Variants in PTPRM observed in about 807,000 individuals in gnomAD.
The protein encoded by PTPRM is protein tyrosine phosphatase receptor type M, also known as receptor-type tyrosine-protein phosphatase mu.
PTPRM carries 47 observed loss-of-function variants against 186.7 expected under a neutral mutation model. That is an observed-to-expected ratio of 0.25 (90% confidence interval 0.20 to 0.32). The LOEUF is 0.32. Ranked by LOEUF, PTPRM falls within the 10% of genes least tolerant of loss-of-function variation. The pLI is 1.00. For missense variants in PTPRM, 1,494 were observed against 1,865.0 expected, an observed-to-expected ratio of 0.80 and a Z score of 3.66; for synonymous variants, 668 against 674.9, an observed-to-expected ratio of 0.99 and a Z score of 0.16.
intron 1 of PTPRM, among the ~76,000 whole-genome samples, chr18:7,614,629 C>A (rs2037757608): frequency 6.6e-6 from 1 of 152,174 alleles, no homozygotes; most frequent in Admixed American, 6.5e-5. Context: ...CATCCCCAAC[C>A]AAAACATCCA....
intron 5 of PTPRM, among the ~76,000 whole-genome samples, chr18:7,942,128 C>T (rs1055783255): frequency 6.6e-6 from 1 of 151,874 alleles, no homozygotes; most frequent in Non-Finnish European, 1.5e-5. Context: ...ACTCTAAATA[C>T]AAAAATTAGC....
intron 1 of PTPRM, among the ~76,000 whole-genome samples, chr18:7,666,017 A>G (rs1174781700): frequency 6.6e-6 from 1 of 152,180 alleles, no homozygotes; most frequent in African/African-American, 2.4e-5. Flanking sequence ...ACTGATGGCA[A>G]ATGATGGGAT....
At chr18:8,014,998 G>A (rs557451783) in intron 7 of PTPRM, among the ~76,000 whole-genome samples, 9 of 152,158 alleles carry the variant, frequency 5.9e-5, no homozygotes, top group Middle Eastern at 3.4e-3. Flanking sequence ...GTTTGGCTGC[G>A]CCAGTAGAAC....
intron 1 of PTPRM, among the ~76,000 whole-genome samples, chr18:7,598,603 T>C (rs902250500): frequency 3.3e-5 from 5 of 152,230 alleles, no homozygotes; most frequent in African/African-American, 1.2e-4. Context: ...TTTCTAACCA[T>C]AGTTCAGCTT....
intron 2 of PTPRM, among the ~76,000 whole-genome samples, chr18:7,791,995 G>A (rs995500754): frequency 8.6e-5 from 13 of 151,998 alleles, no homozygotes; most frequent in Non-Finnish European, 7.4e-5. Context: ...TAATTTCCCA[G>A]ATAGAGCAAA....
intron 7 of PTPRM, among the ~76,000 whole-genome samples, chr18:8,036,488 C>G (rs2086338088): frequency 6.6e-6 from 1 of 152,140 alleles, no homozygotes; most frequent in African/African-American, 2.4e-5. Context: ...ATATAAGTTC[C>G]TCAAGGGAGG....
intron 4 of PTPRM, among the ~76,000 whole-genome samples, chr18:7,916,131 A>AT: frequency 6.6e-6 from 1 of 152,286 alleles, no homozygotes; most frequent in African/African-American, 2.4e-5. Context: ...GTGATGAGAA[A>AT]TTACCTATGG....
intron 2 of PTPRM, among the ~76,000 whole-genome samples, chr18:7,876,166 G>A (rs976718026): frequency 2.0e-5 from 3 of 151,794 alleles, no homozygotes; most frequent in Non-Finnish European, 2.9e-5. Flanking sequence ...AATTCAAAAC[G>A]TCTGTATTGA....
At chr18:8,197,872 C>T (rs1251747659) in intron 14 of PTPRM, among the ~76,000 whole-genome samples, 1 of 152,136 alleles carries the variant, frequency 6.6e-6, no homozygotes, top group African/African-American at 2.4e-5. Flanking sequence ...ATTTGACTGC[C>T]GACACACTCT....
chr18:8,323,940 C>T (rs1216158950), intron 22 of PTPRM, among the ~76,000 whole-genome samples: 2 of 152,100 alleles, frequency 1.3e-5, no homozygotes, highest in African/African-American at 2.4e-5. Flanking sequence ...ACTACCCCCA[C>T]CCCCCAATTT....
intron 22 of PTPRM, among the ~76,000 whole-genome samples, chr18:8,335,459 T>G (rs2095433880): frequency 6.6e-6 from 1 of 152,244 alleles, no homozygotes; most frequent in Non-Finnish European, 1.5e-5. Context: ...ATTATGCACC[T>G]GCTCTAAACA....
chr18:8,270,236 C>G (rs1479139276), intron 19 of PTPRM: 1 of 145,504 alleles, frequency 6.9e-6, no homozygotes, highest in South Asian at 2.1e-4. Context: ...AACTCAATAG[C>G]AAAAAAAAAA....
chr18:8,013,141 G>A (rs184239739), intron 7 of PTPRM, among the ~76,000 whole-genome samples: 2 of 152,032 alleles, frequency 1.3e-5, no homozygotes, highest in Non-Finnish European at 2.9e-5. Context: ...AGTTTCACCA[G>A]CATAAAAACC....
chr18:7,664,678 A>G (rs1374947944), intron 1 of PTPRM, among the ~76,000 whole-genome samples: 1 of 152,138 alleles, frequency 6.6e-6, no homozygotes, highest in East Asian at 1.9e-4. Context: ...GCAGAGCTGC[A>G]TTGCATTTTT....
intron 1 of PTPRM, among the ~76,000 whole-genome samples, chr18:7,653,068 A>G (rs1200967388): frequency 6.6e-6 from 1 of 151,760 alleles, no homozygotes; most frequent in Non-Finnish European, 1.5e-5. Context: ...TGTCTGAACA[A>G]TACATGTCAT....
chr18:7,841,281 C>CTTTTTTTT (rs34688860), intron 2 of PTPRM, among the ~76,000 whole-genome samples: 5 of 70,222 alleles, frequency 7.1e-5, no homozygotes, highest in African/African-American at 1.9e-4. Context: ...CAAATCATTT[C>CTTTTTTTT]TTTTTTTTTT....
At chr18:8,386,504 AT>A (rs1388132262) in intron 30 of PTPRM, among the ~76,000 whole-genome samples, 2 of 152,212 alleles carry the variant, frequency 1.3e-5, no homozygotes, top group African/African-American at 4.8e-5. Flanking sequence ...AGTCCAAGTG[AT>A]TTAGCCGTGG....
intron 1 of PTPRM, among the ~76,000 whole-genome samples, chr18:7,720,901 A>G (rs976657501): frequency 1.3e-5 from 2 of 151,948 alleles, no homozygotes; most frequent in African/African-American, 4.8e-5. Flanking sequence ...GGTTGCTTCT[A>G]CTTTTTGGCT....
chr18:7,904,011 G>A (rs2049844766), intron 3 of PTPRM, among the ~76,000 whole-genome samples: 1 of 152,124 alleles, frequency 6.6e-6, no homozygotes, highest in African/African-American at 2.4e-5. Context: ...TGTATCTAAA[G>A]ATTTCATTTT....
Sources: allele counts gnomAD v4.1 joint callset (sites outside exome capture counted in the v4.1 genomes callset), GRCh38; gene constraint gnomAD v4.1.1; transcripts MANE v1.5; gene names NCBI Gene and HGNC (gene_info 2026-07-23, HGNC 2026-07-21).